The following ATP9B variants were observed in gnomAD, a reference collection of about 807,000 sequenced individuals.
ATP9B encodes probable phospholipid-transporting ATPase IIB.
ATP9B carries 110 observed loss-of-function variants against 146.1 expected under a neutral mutation model. That is an observed-to-expected ratio of 0.75 (90% confidence interval 0.65 to 0.88). ATP9B has a LOEUF of 0.88. Among genes scored for constraint, ATP9B ranks in the 40% least tolerant of loss-of-function variants. ATP9B has a pLI of 0.00. For missense variants in ATP9B, 1,499 were observed against 1,496.4 expected, an observed-to-expected ratio of 1.00 and a Z score of -0.03; for synonymous variants, 604 against 569.7, an observed-to-expected ratio of 1.06 and a Z score of -0.86.
At chr18:79,341,377 G>A (rs373245565) in intron 19 of ATP9B, among the ~76,000 whole-genome samples, 53 of 124,078 alleles carry the variant, frequency 4.3e-4, no homozygotes, top group Middle Eastern at 4.3e-3. Flanking sequence ...GTGGTTGGAT[G>A]TGTGTAGCGT....
chr18:79,291,829 C>G (rs949159113), intron 13 of ATP9B, among the ~76,000 whole-genome samples: 1 of 152,210 alleles, frequency 6.6e-6, no homozygotes, highest in African/African-American at 2.4e-5. Context: ...TCTTATTCCA[C>G]TCTCACCACA....
intron 12 of ATP9B, among the ~76,000 whole-genome samples, chr18:79,275,799 A>G (rs1474051127): frequency 6.6e-6 from 1 of 152,244 alleles, no homozygotes; most frequent in Non-Finnish European, 1.5e-5. Flanking sequence ...TGTATTTTAA[A>G]TAGCGAAAGA....
intron 11 of ATP9B, among the ~76,000 whole-genome samples, chr18:79,228,644 T>A (rs1329582231): frequency 3.3e-5 from 5 of 152,232 alleles, no homozygotes; most frequent in Non-Finnish European, 7.3e-5. Flanking sequence ...AATGATTTAC[T>A]CAAGATGTGA....
At chr18:79,198,102 AT>A (rs1196807852) in intron 9 of ATP9B, among the ~76,000 whole-genome samples, 3 of 152,188 alleles carry the variant, frequency 2.0e-5, no homozygotes, top group African/African-American at 7.2e-5. Flanking sequence ...TAAAATTGCA[AT>A]TGTATATTCA....
intron 13 of ATP9B, among the ~76,000 whole-genome samples, chr18:79,286,505 A>C (rs1252619461): frequency 6.6e-6 from 1 of 152,204 alleles, no homozygotes; most frequent in Non-Finnish European, 1.5e-5. Flanking sequence ...TTATCAGTTT[A>C]AGGAGATTTT....
chr18:79,263,105 T>C (rs1007992678), intron 12 of ATP9B, among the ~76,000 whole-genome samples: 9 of 152,374 alleles, frequency 5.9e-5, no homozygotes, highest in South Asian at 2.1e-4. Flanking sequence ...AATAGACATA[T>C]ATATTTATGA....
At chr18:79,290,997 G>A (rs564713729) in intron 13 of ATP9B, among the ~76,000 whole-genome samples, 9 of 152,272 alleles carry the variant, frequency 5.9e-5, no homozygotes, top group African/African-American at 9.6e-5. Context: ...TATGTGGTCC[G>A]AAACCTCTGC....
At chr18:79,330,754 G>T (rs936085121) in intron 17 of ATP9B, among the ~76,000 whole-genome samples, 2 of 152,244 alleles carry the variant, frequency 1.3e-5, no homozygotes, top group Admixed American at 1.3e-4. Flanking sequence ...TTTTTGTTTT[G>T]TGTGTGAGTG....
chr18:79,099,286 A>T (rs2075073548), intron 2 of ATP9B, among the ~76,000 whole-genome samples: 1 of 151,550 alleles, frequency 6.6e-6, no homozygotes, highest in South Asian at 2.1e-4. Context: ...CAGTGGTGTG[A>T]TGTCAGCTCA....
At chr18:79,172,647 A>G (rs541655187) in intron 7 of ATP9B, among the ~76,000 whole-genome samples, 1 of 152,278 alleles carries the variant, frequency 6.6e-6, no homozygotes, top group South Asian at 2.1e-4. Flanking sequence ...GTGCCCGCCT[A>G]GAGACTTTTT....
At chr18:79,349,894 A>ACC (rs33953089) in intron 25 of ATP9B, among the ~76,000 whole-genome samples, 10 of 114,800 alleles carry the variant, frequency 8.7e-5, no homozygotes, top group African/African-American at 1.9e-4. Flanking sequence ...GAGGCCCCGC[A>ACC]CCCCCCCCCC....
chr18:79,139,001 G>A (rs1201066059), intron 5 of ATP9B, among the ~76,000 whole-genome samples: 3 of 152,158 alleles, frequency 2.0e-5, no homozygotes, highest in East Asian at 1.9e-4. Flanking sequence ...CAGGGAGATC[G>A]AGGCCACAGT....
Position 79,307,193 on chromosome 18 carries a change from A to C in ATP9B, c.1732A>C (p.Ser578Arg). The change falls in exon 15 of 30, where the codon AGT (serine) becomes CGT (arginine). Residue 578 changes from serine to arginine, a missense_variant. Transcript: ENST00000426216. ...TEFAEADQDF[S>R]DENRTYQASS... is the part of the protein sequence containing the mutation. Reference sequence around the variant, plus strand: ...GTTCGCAGAGGCTGACCAAGACTTCAGTGATGAGAATCGCACCTACCAGGC... The same window carrying C: ...GTTCGCAGAGGCTGACCAAGACTTCCGTGATGAGAATCGCACCTACCAGGC... 6.2e-7 allele frequency: 1 copy of C among 1,614,278 alleles called. No individual in the cohort carries two copies. The highest frequency in any genetic ancestry group is 1.3e-5 in the African/African-American group (1 of 75,078).
intron 11 of ATP9B, among the ~76,000 whole-genome samples, chr18:79,218,145 C>A (rs1006060393): frequency 6.6e-6 from 1 of 152,240 alleles, no homozygotes; most frequent in African/African-American, 2.4e-5. Flanking sequence ...GCTGGCAGCT[C>A]CTGCTGGTCA....
At chr18:79,083,863 T>G (rs1568381594) in intron 1 of ATP9B, among the ~76,000 whole-genome samples, 1 of 149,492 alleles carries the variant, frequency 6.7e-6, no homozygotes, top group Non-Finnish European at 1.5e-5. Context: ...GACCATCTTC[T>G]TCTTTTTTTT....
intron 12 of ATP9B, among the ~76,000 whole-genome samples, chr18:79,275,122 A>G (rs73001976): frequency 0.2 from 30,906 of 152,220 alleles, 3,921 homozygotes; most frequent in East Asian, 0.53. Context: ...AACACAGCAC[A>G]TAGATAGAAA....
At chr18:79,175,317 A>G (rs2095147332) in intron 7 of ATP9B, among the ~76,000 whole-genome samples, 1 of 151,090 alleles carries the variant, frequency 6.6e-6, no homozygotes, top group South Asian at 2.1e-4. Flanking sequence ...TTTATTTTTT[A>G]GGAGTTTTTT....
At chr18:79,351,441 G>A (rs2096921877) in intron 25 of ATP9B, among the ~76,000 whole-genome samples, 1 of 152,192 alleles carries the variant, frequency 6.6e-6, no homozygotes, top group Admixed American at 6.5e-5. Context: ...TGGGTTAGGT[G>A]GGAGCTTTGG....
intron 1 of ATP9B, among the ~76,000 whole-genome samples, chr18:79,083,589 C>T (rs940421911): frequency 3.9e-5 from 6 of 152,124 alleles, no homozygotes; most frequent in Non-Finnish European, 7.4e-5. Context: ...ATGGGAAGTG[C>T]GTAGTATCTG....
Sources: gnomAD v4.1 joint callset for allele counts (sites outside exome capture counted in the v4.1 genomes callset) on GRCh38, gnomAD v4.1.1 for gene constraint, MANE v1.5 for transcripts, NCBI Gene and HGNC (gene_info 2026-07-23, HGNC 2026-07-21) for gene names.